The following MDN1 variants were observed in gnomAD, a reference collection of about 807,000 sequenced individuals.
MDN1 encodes midasin AAA ATPase 1.
A neutral mutation model predicts 669.2 loss-of-function variants in MDN1; 266 were observed. The observed-to-expected ratio is 0.40, with a 90% CI of 0.36 to 0.44. The LOEUF (loss-of-function observed/expected upper bound fraction) is 0.44, where lower values mean the gene tolerates loss of function less well. MDN1 is among the 20% of genes least tolerant of loss of function. The pLI, the probability that MDN1 is intolerant of heterozygous loss-of-function variation, is 1.00. For missense variants in MDN1, 5,940 were observed against 6,754.0 expected (o/e 0.88, Z 4.22); for synonymous variants, 2,385 against 2,457.1 (o/e 0.97, Z 0.87).
intron 35 of MDN1, among the ~76,000 whole-genome samples, chr6:89,729,502 G>T (rs992414919): frequency 6.6e-6 from 1 of 152,128 alleles, no homozygotes; most frequent in Non-Finnish European, 1.5e-5. Flanking sequence ...GTGTAAGCTA[G>T]GCATATGGGC....
intron 50 of MDN1, 115 bp from the exon 51 acceptor site, chr6:89,708,743 G>T (rs979455852): frequency 7.7e-5 from 89 of 1,160,926 alleles, no homozygotes; most frequent in Non-Finnish European, 1.0e-4. Context: ...ATCATGATGG[G>T]GAAGAGGTTG....
intron 7 of MDN1, among the ~76,000 whole-genome samples, chr6:89,789,447 C>A (rs1208097332): frequency 6.6e-6 from 1 of 152,146 alleles, no homozygotes; most frequent in African/African-American, 2.4e-5. Context: ...TGTAACATGG[C>A]TGAGATGTTC....
intron 3 of MDN1, 27 bp downstream of exon 3, chr6:89,794,550 G>A (rs749363942): frequency 3.7e-6 from 6 of 1,600,976 alleles, no homozygotes; most frequent in East Asian, 2.2e-5. Flanking sequence ...CACACTAGAA[G>A]TGCAAAAAAG....
intron 15 of MDN1, among the ~76,000 whole-genome samples, chr6:89,769,548 G>A (rs1171809801): frequency 2.0e-5 from 3 of 152,142 alleles, no homozygotes; most frequent in Non-Finnish European, 4.4e-5. Context: ...CCCAGCTAAA[G>A]TACAGTGGCA....
At chr6:89,763,572 A>T (rs1236208479) in intron 15 of MDN1, among the ~76,000 whole-genome samples, 2 of 152,244 alleles carry the variant, frequency 1.3e-5, no homozygotes, top group African/African-American at 4.8e-5. Flanking sequence ...GGCACTAGTT[A>T]TTCCTAGAAA....
intron 83 of MDN1, among the ~76,000 whole-genome samples, chr6:89,670,166 A>ATTTTTTTTTTTTTTTTTT (rs1482501704): frequency 5.6e-5 from 1 of 17,716 alleles, no homozygotes; most frequent in African/African-American, 3.2e-4. Context: ...ATATATATAT[A>ATTTTTTTTTTTTTTTTTT]TATATTTTTT....
intron 1 of MDN1, among the ~76,000 whole-genome samples, chr6:89,804,738 T>C (rs956537942): frequency 5.3e-5 from 8 of 151,898 alleles, no homozygotes; most frequent in African/African-American, 1.7e-4. Context: ...TGAAATAAAA[T>C]ACAAAATTCT....
In MDN1 at chr6:89,683,313, A is replaced by G. The variant is rs769377363; in HGVS notation, c.11921T>C (p.Met3974Thr). ...EKTHRTLFKF[M>T]KKFEAVLSEP... ...ACTCAGGACTGCTTCAAATTTCTTC[A>G]TGAATTTAAAGAGTGTCCTGTCCCC... is the stretch of plus-strand genomic sequence containing the variant. Residue 3974 changes from methionine to threonine, a missense_variant, in exon 73 of 102, where the codon ATG (methionine) becomes ACG (threonine). Around this residue, in one of 5 missense-constraint regions of MDN1, gnomAD observed 2,280 missense variants for 2,576.3 expected, o/e 0.88. Coordinates refer to ENST00000369393, the MANE Select transcript of MDN1 (RefSeq NM_014611.3). 1.3e-5 allele frequency: 21 copies of G among 1,614,148 alleles called. No homozygotes were observed. Among genetic ancestry groups the G allele is most frequent in the Non-Finnish European group, 1.6e-5 (19 of 1,180,000 alleles).
In MDN1 at chr6:89,672,193, T is replaced by G. The variant is rs775821666; in HGVS notation, c.13794+7A>C. The G allele has an allele frequency of 6.4e-7, 1 of 1,571,038 alleles. No individual in the cohort carries two copies. The highest frequency in any genetic ancestry group is 1.4e-5 in the African/African-American group (1 of 72,462). ...GAGGAAGAAGTTTGTAAAGAACAGT[T>G]AGTTACCAGGTGCTTTGCTGCTGTG... On this transcript the variant is annotated splice_region_variant and intron_variant, in intron 82 of 101. Coordinates refer to ENST00000369393, the MANE Select transcript of MDN1 (RefSeq NM_014611.3).
At chr6:89,720,386 C>A (rs1814733764) in intron 40 of MDN1, among the ~76,000 whole-genome samples, 2 of 142,582 alleles carry the variant, frequency 1.4e-5, no homozygotes, top group African/African-American at 2.6e-5. Context: ...GGCGACAGAG[C>A]AAGACTCCAT....
chr6:89,690,290 A>C (rs1258040362), intron 64 of MDN1, 147 bp from the exon 65 acceptor site: 3 of 947,334 alleles, frequency 3.2e-6, no homozygotes, highest in Non-Finnish European at 4.6e-6. Context: ...AAAAGACTAC[A>C]GGCTGGGCAC....
intron 35 of MDN1, among the ~76,000 whole-genome samples, chr6:89,730,137 G>A (rs894251502): frequency 7.2e-5 from 11 of 152,200 alleles, no homozygotes; most frequent in African/African-American, 2.7e-4. Context: ...ATACTTGGTA[G>A]AGACAATCTA....
chr6:89,755,274 T>C (rs956934719), intron 20 of MDN1, among the ~76,000 whole-genome samples: 1 of 151,700 alleles, frequency 6.6e-6, no homozygotes, highest in Non-Finnish European at 1.5e-5. Context: ...CCAGGTGCTG[T>C]AGCTCAACCC....
rs1819058739 is a variant in MDN1 at position 89,788,068 on chromosome 6, C to G, written c.1231-111G>C. On this transcript the variant is annotated intron_variant, in intron 7 of 101. Transcript: ENST00000369393. The stretch of plus-strand genomic sequence containing the variant: ...ACAGACACACCCTTAAAGGAAACGT[C>G]AGCTCTCATAGTCCAAACTGGGGTC... 5.4e-6 allele frequency: 5 copies of G among 933,718 alleles called. No individual in the cohort carries two copies. The South Asian group carries it at 7.5e-5, about 14-fold the overall frequency. The allele number at this position is 933,718 out of a possible 1,614,324, so 57.8% of individuals were successfully genotyped here. A position where few individuals can be genotyped will look rare whatever the true frequency, so the allele number is the denominator to read the frequency against.
intron 14 of MDN1, 32 bp from the exon 15 acceptor site, chr6:89,771,653 C>T (rs1562201748): frequency 1.9e-6 from 3 of 1,583,010 alleles, no homozygotes; most frequent in Non-Finnish European, 2.6e-6. Flanking sequence ...AGTGTTACTC[C>T]AAAAATTTAA....
chr6:89,658,545 G>T (rs751393133), intron 89 of MDN1, 65 bp downstream of exon 89: 142 of 1,548,250 alleles, frequency 9.2e-5, no homozygotes, highest in Admixed American at 5.7e-5. Flanking sequence ...GATTCTAATG[G>T]GAATAAGGTG....
chr6:89,786,904 G>A (rs1818989947), intron 8 of MDN1, among the ~76,000 whole-genome samples: 2 of 136,932 alleles, frequency 1.5e-5, no homozygotes, highest in East Asian at 2.1e-4. Flanking sequence ...CAGCCTGGGT[G>A]ACAGAATGAG....
intron 91 of MDN1, 23 bp from the exon 92 acceptor site, chr6:89,655,991 T>A: frequency 6.2e-7 from 1 of 1,604,518 alleles, no homozygotes; most frequent in Non-Finnish European, 8.5e-7. Context: ...AGGAAATTCA[T>A]CAGAGCCTTG....
chr6:89,794,895 T>C (rs1819496121), intron 2 of MDN1, 94 bp from the exon 3 acceptor site: 1 of 983,938 alleles, frequency 1.0e-6, no homozygotes, highest in Admixed American at 2.4e-5. Context: ...ATTAAATGCA[T>C]TTTCAACTTA....
Sources: allele counts gnomAD v4.1 joint callset (sites outside exome capture counted in the v4.1 genomes callset), GRCh38; gene constraint gnomAD v4.1.1; regional missense constraint gnomAD v4.1.1; transcripts MANE v1.5; gene names NCBI Gene and HGNC (gene_info 2026-07-23, HGNC 2026-07-21).